The following LGI2 variants were observed in gnomAD, a reference collection of about 807,000 sequenced individuals.
LGI2 encodes the protein leucine-rich repeat LGI family member 2.
In LGI2, 30 loss-of-function variants were observed where a neutral mutation model predicts 52.0. The observed-to-expected ratio is 0.58, with a 90% CI of 0.43 to 0.78. The LOEUF is 0.78. LGI2 is among the 30% of genes least tolerant of loss of function. LGI2 has a pLI of 0.00. For missense variants in LGI2, 573 were observed against 692.5 expected (o/e 0.83, Z 1.94); for synonymous variants, 270 against 271.8 (o/e 0.99, Z 0.06).
rs1197575639 is a variant in LGI2, at chr4:25,024,899, G to A, written c.342-8C>T. ...TTGTTCCCTTCAATGAACCTAAGAGGAAAAGTTGTATAATTAAAATGAATT... is the reference window on the plus strand; with the variant it reads ...TTGTTCCCTTCAATGAACCTAAGAGAAAAAGTTGTATAATTAAAATGAATT... On this transcript the variant is annotated splice_polypyrimidine_tract_variant and splice_region_variant and intron_variant, in intron 3 of 7. Transcript: ENST00000382114. The A allele has an allele frequency of 1.9e-6, 3 of 1,575,328 alleles. No individual in the cohort carries two copies. Among genetic ancestry groups the A allele is most frequent in the African/African-American group, 2.7e-5 (2 of 72,984 alleles).
intron 1 of LGI2, 89 bp downstream of exon 1, chr4:25,030,408 G>T: frequency 7.1e-7 from 1 of 1,405,912 alleles, no homozygotes; most frequent in Non-Finnish European, 9.7e-7. Flanking sequence ...GGTCAGGGTC[G>T]CGCTGGCCCG....
intron 1 of LGI2, 62 bp from the exon 2 acceptor site, chr4:25,028,640 G>A: frequency 7.1e-7 from 1 of 1,417,510 alleles, no homozygotes. Context: ...CATGCAGGGT[G>A]GGTAATCAAA....
rs549086364 is a variant in LGI2 at position 25,023,891 on chromosome 4, G to A, written c.413+929C>T. On this transcript the variant is annotated intron_variant, in intron 4 of 7. Transcript: ENST00000382114. ...AATTTTATACATTTGCTAAGTGTGT[G>A]TACTTGCTTCATTTTTATATGCCAG... 4.3e-4 allele frequency among the ~76,000 whole-genome samples: 65 copies of A among 152,244 alleles called. 1 individual carries two copies. The South Asian group carries it at 0.01, about 24-fold the overall frequency.
At chr4:25,024,950 C>T in intron 3 of LGI2, 59 bp from the exon 4 acceptor site, 1 of 1,117,300 alleles carries the variant, frequency 9.0e-7, no homozygotes, top group Non-Finnish European at 1.3e-6. Flanking sequence ...CCCAAAAAAA[C>T]TATGTTGGTA....
At chr4:25,013,725 C>T (rs190875354) in intron 6 of LGI2, among the ~76,000 whole-genome samples, 5 of 152,268 alleles carry the variant, frequency 3.3e-5, no homozygotes, top group Non-Finnish European at 7.4e-5. Context: ...CTATGGTGAT[C>T]ACTCAGTAGT....
intron 6 of LGI2, 55 bp from the exon 7 acceptor site, chr4:25,012,554 T>C (rs1725624064): frequency 2.6e-6 from 4 of 1,566,846 alleles, no homozygotes; most frequent in Non-Finnish European, 3.5e-6. Flanking sequence ...GTAGGGATTA[T>C]CAACCACCAT....
At chr4:24,997,592 C>T (rs868100568), downstream of LGI2, among the ~76,000 whole-genome samples, 4 of 152,230 alleles carry the variant, frequency 2.6e-5, no homozygotes, top group Non-Finnish European at 5.9e-5. Context: ...TATTCACACT[C>T]ATATTCCACT....
rs1404275820 is a variant in LGI2 at position 25,030,715 on chromosome 4, C to G, written c.-22G>C. On this transcript the variant is annotated 5_prime_UTR_variant, in exon 1 of 8. Coordinates refer to ENST00000382114, the MANE Select transcript of LGI2 (RefSeq NM_018176.4). ...CCATGCCCGGTCCCCGCTCCCCGCC[C>G]GGGCCCCGACCCCCACCGCCGCGCC... The G allele has an allele frequency of 1.9e-5, 23 of 1,229,990 alleles. No homozygotes were observed. Among genetic ancestry groups the G allele is most frequent in the Non-Finnish European group, 2.3e-5 (23 of 987,448 alleles). The allele number at this position is 1,229,990 out of a possible 1,614,324, so 76.2% of individuals were successfully genotyped here.
At chr4:25,006,901 C>T (rs4697522) in intron 7 of LGI2, among the ~76,000 whole-genome samples, 41,624 of 152,040 alleles carry the variant, frequency 0.27, 6,300 homozygotes, top group Middle Eastern at 0.43. Context: ...AATCAAAAAG[C>T]ACAAAGAAGA....
Position 25,002,831 on chromosome 4 carries a change from A to C in LGI2, c.*620T>G, listed in dbSNP as rs1257062542. 1 of 152,558 alleles carries C rather than the reference A, an allele frequency of 6.6e-6. No homozygotes were observed. Among genetic ancestry groups the C allele is most frequent in the Non-Finnish European group, 1.5e-5 (1 of 68,224 alleles). 9.5% of individuals were successfully genotyped at this position (152,558 alleles called of 1,614,324 possible). On this transcript the variant is annotated 3_prime_UTR_variant, in exon 8 of 8. Transcript: ENST00000382114. Reference sequence around the variant, plus strand: ...CACCAGAGTATTGTCTTTGTGGCAGAGGAAGCAATGTCAAACACTAAATTG... The same window carrying C: ...CACCAGAGTATTGTCTTTGTGGCAGCGGAAGCAATGTCAAACACTAAATTG...
chr4:25,017,901 A>G, intron 6 of LGI2, 88 bp downstream of exon 6: 4 of 1,165,142 alleles, frequency 3.4e-6, no homozygotes, highest in Non-Finnish European at 3.5e-6. Context: ...TTCTATATTC[A>G]CTTTTCCCCA....
intron 4 of LGI2, among the ~76,000 whole-genome samples, chr4:25,021,574 T>A (rs573003539): frequency 6.6e-6 from 1 of 152,268 alleles, no homozygotes; most frequent in South Asian, 2.1e-4. Flanking sequence ...ATTGATTCAT[T>A]CTTTACACAG....
the LGI2 span, among the ~76,000 whole-genome samples, chr4:24,993,837 T>C: frequency 6.6e-6 from 1 of 152,148 alleles, no homozygotes; most frequent in Non-Finnish European, 1.5e-5. Context: ...TGCAAATGCA[T>C]TGGCAGTAAA....
At chr4:25,018,787 A>C (rs1377853579) in intron 5 of LGI2, among the ~76,000 whole-genome samples, 1 of 152,102 alleles carries the variant, frequency 6.6e-6, no homozygotes, top group Non-Finnish European at 1.5e-5. Flanking sequence ...ACTTGAACCC[A>C]GGACGCAGAG....
rs368931752 is a variant in LGI2, at chr4:25,005,110, CAA to C, written c.821-844_821-843del. Among the ~76,000 whole-genome samples, 554 of 152,202 alleles carry C rather than the reference CAA, an allele frequency of 3.6e-3. 3 individuals are homozygous for C. Among genetic ancestry groups the C allele is most frequent in the African/African-American group, 0.013 (535 of 41,520 alleles). ...AGTCAGATGCATAGAGACAGAAAGG[CAA>C]AGAGTGGTTTTCAGGGGCTGTGGGA... On this transcript the variant is annotated intron_variant, in intron 7 of 7. Coordinates refer to ENST00000382114, the MANE Select transcript of LGI2 (RefSeq NM_018176.4).
In LGI2 at chr4:25,018,160, T is replaced by C; in HGVS notation, c.486-2A>G. ...TCAAATTTATTACCCCTCAAATCTC[T>C]AAAAATCAAAATAAAACACAAACAC... On this transcript the variant is annotated splice_acceptor_variant, in intron 5 of 7. Coordinates refer to ENST00000382114, the MANE Select transcript of LGI2 (RefSeq NM_018176.4). LOFTEE classifies it high-confidence loss of function. 1 of 1,583,258 alleles carries C rather than the reference T, an allele frequency of 6.3e-7. No homozygotes were observed. The highest frequency in any genetic ancestry group is 2.3e-5 in the East Asian group (1 of 44,254).
chr4:25,022,149 G>A (rs986460734), intron 4 of LGI2, among the ~76,000 whole-genome samples: 1 of 152,106 alleles, frequency 6.6e-6, no homozygotes, highest in Non-Finnish European at 1.5e-5. Context: ...GAGATAAAAC[G>A]AACACCCAGG....
chr4:24,992,667 G>C, the LGI2 span, among the ~76,000 whole-genome samples: 15 of 152,286 alleles, frequency 9.8e-5, no homozygotes, highest in Admixed American at 2.6e-4. Context: ...TGGGCAACAA[G>C]AGCGAAACTC....
chr4:25,006,338 T>A (rs1287658648), intron 7 of LGI2, among the ~76,000 whole-genome samples: 1 of 152,152 alleles, frequency 6.6e-6, no homozygotes, highest in East Asian at 1.9e-4. Flanking sequence ...TGATCCTCCA[T>A]CTAGATCACT....
Sources: gnomAD v4.1 joint callset for allele counts (sites outside exome capture counted in the v4.1 genomes callset) on GRCh38, gnomAD v4.1.1 for gene constraint, MANE v1.5 for transcripts, NCBI Gene and HGNC (gene_info 2026-07-23, HGNC 2026-07-21) for gene names.